The following ARSB variants were observed in gnomAD, a reference collection of about 807,000 sequenced individuals.
The protein encoded by ARSB is N-acetylgalactosamine-4-sulfatase.
A neutral mutation model predicts 50.9 loss-of-function variants in ARSB; 41 were observed. That is an observed-to-expected ratio of 0.81 (90% CI 0.63 to 1.04). ARSB has a LOEUF of 1.04. ARSB is among the 50% of genes least tolerant of loss of function. The pLI, the probability that ARSB is intolerant of heterozygous loss-of-function variation, is 0.00. For missense variants in ARSB, 672 were observed against 693.3 expected (o/e 0.97, Z 0.35); for synonymous variants, 269 against 284.8 (o/e 0.94, Z 0.56).
rs543839135 is a variant in ARSB at position 78,854,458 on chromosome 5, T to G, written c.1143-15032A>C. The stretch of plus-strand genomic sequence containing the variant: ...TTCATTTCTTTCAAGACATTTAACA[T>G]TTTCCTTCTTAATTTCTTTATTGAC... On this transcript the variant is annotated intron_variant, in intron 5 of 7. Coordinates refer to ENST00000264914, the MANE Select transcript of ARSB (RefSeq NM_000046.5). Among the ~76,000 whole-genome samples, 18 of 152,348 alleles carry G rather than the reference T, an allele frequency of 1.2e-4. 1 individual carries two copies. The South Asian group carries it at 3.7e-3, about 32-fold the overall frequency.
chr5:78,943,704 G>A (rs562251226), intron 4 of ARSB, among the ~76,000 whole-genome samples: 106 of 152,210 alleles, frequency 7.0e-4, no homozygotes, highest in African/African-American at 1.9e-3. Context: ...TCTGGCTGCC[G>A]TTAACATTTT....
intron 4 of ARSB, among the ~76,000 whole-genome samples, chr5:78,892,359 G>A (rs1203976870): frequency 1.4e-5 from 2 of 147,798 alleles, no homozygotes; most frequent in African/African-American, 2.5e-5. Context: ...GGGTTCAAGC[G>A]ATTCTCATGC....
intron 5 of ARSB, among the ~76,000 whole-genome samples, chr5:78,842,135 G>A (rs911400601): frequency 7.2e-5 from 11 of 151,760 alleles, no homozygotes; most frequent in Non-Finnish European, 1.6e-4. Context: ...ACTTAAGAAG[G>A]CACAGAAACT....
intron 4 of ARSB, among the ~76,000 whole-genome samples, chr5:78,945,386 G>T (rs1335624582): frequency 6.6e-6 from 1 of 152,162 alleles, no homozygotes; most frequent in African/African-American, 2.4e-5. Flanking sequence ...GGAAGCTGTA[G>T]ACTGGAGCTG....
chr5:78,976,306 A>G (rs1554088949), intron 1 of ARSB, among the ~76,000 whole-genome samples: 1 of 52,582 alleles, frequency 1.9e-5, no homozygotes, highest in Non-Finnish European at 3.6e-5. Flanking sequence ...TTTTTTTTTG[A>G]GACAGAGTCT....
At chr5:78,944,734 C>G (rs1411794924) in intron 4 of ARSB, among the ~76,000 whole-genome samples, 1 of 152,208 alleles carries the variant, frequency 6.6e-6, no homozygotes, top group South Asian at 2.1e-4. Context: ...CAGGGACCCA[C>G]TTGAGGAGGC....
chr5:78,848,218 T>G (rs1383282344), intron 5 of ARSB, among the ~76,000 whole-genome samples: 4 of 87,912 alleles, frequency 4.6e-5, no homozygotes, highest in East Asian at 3.8e-4. Context: ...TCCTCCCCCC[T>G]CCCCCCACCC....
At chr5:78,840,306 A>G (rs1231111368) in intron 5 of ARSB, among the ~76,000 whole-genome samples, 1 of 152,194 alleles carries the variant, frequency 6.6e-6, no homozygotes, top group African/African-American at 2.4e-5. Flanking sequence ...AGTACTGTTA[A>G]CACCACAGGA....
intron 6 of ARSB, among the ~76,000 whole-genome samples, chr5:78,822,550 G>A (rs760114970): frequency 1.3e-5 from 2 of 152,072 alleles, no homozygotes; most frequent in South Asian, 2.1e-4. Context: ...GAATAAAAAC[G>A]ATACTAAAAA....
intron 5 of ARSB, among the ~76,000 whole-genome samples, chr5:78,855,770 T>C (rs1232248854): frequency 6.6e-6 from 1 of 152,166 alleles, no homozygotes; most frequent in African/African-American, 2.4e-5. Context: ...ACGGTGTTGA[T>C]GGGGCTGCTG....
intron 5 of ARSB, among the ~76,000 whole-genome samples, chr5:78,856,254 T>C (rs772374114): frequency 1.1e-4 from 16 of 152,218 alleles, no homozygotes; most frequent in Admixed American, 7.9e-4. Flanking sequence ...GGCCTTGTTA[T>C]AGAGGTCACC....
At chr5:78,937,624 T>C (rs976965740) in intron 4 of ARSB, among the ~76,000 whole-genome samples, 3 of 150,348 alleles carry the variant, frequency 2.0e-5, no homozygotes, top group Admixed American at 6.6e-5. Context: ...TAATAAAACA[T>C]TGAAGATCTG....
At chr5:78,881,688 AG>A (rs1285980419) in intron 5 of ARSB, among the ~76,000 whole-genome samples, 2 of 152,238 alleles carry the variant, frequency 1.3e-5, no homozygotes, top group African/African-American at 4.8e-5. Context: ...AAAAGCTATG[AG>A]GAAGATGAGC....
chr5:78,888,109 TGG>T, intron 4 of ARSB, among the ~76,000 whole-genome samples: 1 of 152,032 alleles, frequency 6.6e-6, no homozygotes, highest in East Asian at 2.0e-4. Flanking sequence ...CTTCAACACA[TGG>T]GTCGGTGACA....
chr5:78,819,591 C>A (rs1390680116), intron 6 of ARSB, among the ~76,000 whole-genome samples: 2 of 152,104 alleles, frequency 1.3e-5, no homozygotes, highest in East Asian at 3.8e-4. Context: ...TCAAATGTGC[C>A]CTGACTAGGT....
At chr5:78,808,506 G>C (rs566300670) in intron 6 of ARSB, among the ~76,000 whole-genome samples, 2 of 152,164 alleles carry the variant, frequency 1.3e-5, no homozygotes, top group Admixed American at 1.3e-4. Flanking sequence ...GACGAGGCCT[G>C]CATGACCTCC....
At position 78,788,158 on chromosome 5, in the gene ARSB, G is replaced by A. The variant is rs114805713; in HGVS notation, c.1214-6184C>T. ...AAGTATAAACAAACAAATTTTTCTC[G>A]TTTCCTTCTGAGCTGAAAGCCACCT... On this transcript the variant is annotated intron_variant, in intron 6 of 7. Transcript: ENST00000264914. 3.4e-3 allele frequency among the ~76,000 whole-genome samples: 510 copies of A among 152,206 alleles called. 2 individuals are homozygous for A. The highest frequency in any genetic ancestry group is 0.012 in the African/African-American group (482 of 41,528).
intron 6 of ARSB, among the ~76,000 whole-genome samples, chr5:78,807,865 G>C (rs543578282): frequency 6.6e-6 from 1 of 151,810 alleles, no homozygotes; most frequent in African/African-American, 2.4e-5. Context: ...AGGCCGAGGC[G>C]GGCGGATCAC....
At chr5:78,866,842 G>A (rs139124439) in intron 5 of ARSB, among the ~76,000 whole-genome samples, 208 of 152,330 alleles carry the variant, frequency 1.4e-3, no homozygotes, top group East Asian at 5.4e-3. Flanking sequence ...GGACAGTTCC[G>A]GTCTACGGCT....
Sources: gnomAD v4.1 joint callset for allele counts (sites outside exome capture counted in the v4.1 genomes callset) on GRCh38, gnomAD v4.1.1 for gene constraint, MANE v1.5 for transcripts, NCBI Gene and HGNC (gene_info 2026-07-23, HGNC 2026-07-21) for gene names.